Variants in LRRIQ1 observed in about 807,000 individuals in gnomAD.
The protein encoded by LRRIQ1 is leucine-rich repeat- and IQ domain-containing protein 1.
Under a neutral mutation model 211.9 loss-of-function variants are expected in LRRIQ1, and 210 were observed. The ratio of observed to expected loss-of-function variants is 0.99; its 90% CI spans 0.89 to 1.11. The LOEUF is 1.11. Ranked by LOEUF, LRRIQ1 falls within the 50% of genes most tolerant of loss-of-function variation. LRRIQ1 has a pLI of 0.00. For synonymous variants in LRRIQ1, 699 were observed against 650.1 expected, an observed-to-expected ratio of 1.08 and a Z score of -1.14; for missense variants, 2,136 against 1,939.5, an observed-to-expected ratio of 1.10 and a Z score of -1.90.
chr12:85,041,235 A>G (rs7136359), intron 3 of LRRIQ1, among the ~76,000 whole-genome samples: 5,471 of 151,902 alleles, frequency 0.036, 329 homozygotes, highest in African/African-American at 0.13. Context: ...TACAATGTAG[A>G]TATTCATATT....
intron 23 of LRRIQ1, 76 bp from the exon 24 acceptor site, chr12:85,160,537 A>G (rs911123175): frequency 2.4e-5 from 20 of 822,740 alleles, no homozygotes; most frequent in African/African-American, 3.4e-5. Context: ...CTACCACCAT[A>G]TAAGAAATAT....
chr12:85,237,257 A>G (rs542231594), intron 26 of LRRIQ1, among the ~76,000 whole-genome samples: 2 of 152,118 alleles, frequency 1.3e-5, no homozygotes, highest in Non-Finnish European at 2.9e-5. Context: ...GATCCCTGAG[A>G]TAAAAGAAAC....
intron 11 of LRRIQ1, among the ~76,000 whole-genome samples, chr12:85,078,181 T>C (rs1205798198): frequency 6.6e-6 from 1 of 152,174 alleles, no homozygotes; most frequent in African/African-American, 2.4e-5. Context: ...TTCAGCCCTC[T>C]CTGAAGCCTT....
intron 24 of LRRIQ1, among the ~76,000 whole-genome samples, chr12:85,207,221 A>G (rs369848490): frequency 6.6e-6 from 1 of 151,972 alleles, no homozygotes; most frequent in African/African-American, 2.4e-5. Flanking sequence ...CCAGCTTCCA[A>G]CCACTTCAGC....
intron 15 of LRRIQ1, among the ~76,000 whole-genome samples, chr12:85,118,519 T>A (rs1264090653): frequency 6.4e-4 from 94 of 146,472 alleles, no homozygotes; most frequent in African/African-American, 2.3e-3. Flanking sequence ...TTTTTTTGCT[T>A]TTATAGAGGA....
chr12:85,094,960 A>G (rs894551321), intron 11 of LRRIQ1, among the ~76,000 whole-genome samples: 2 of 152,132 alleles, frequency 1.3e-5, no homozygotes, highest in South Asian at 2.1e-4. Context: ...ATTTTTCTAC[A>G]TTGATTTTGT....
At chr12:85,116,243 T>C (rs903584030) in intron 15 of LRRIQ1, among the ~76,000 whole-genome samples, 14 of 152,102 alleles carry the variant, frequency 9.2e-5, no homozygotes, top group South Asian at 4.2e-4. Context: ...CCCGGGTTCA[T>C]GCCATTCTCC....
At chr12:85,186,622 G>A (rs1892240792) in intron 24 of LRRIQ1, among the ~76,000 whole-genome samples, 1 of 151,972 alleles carries the variant, frequency 6.6e-6, no homozygotes, top group African/African-American at 2.4e-5. Context: ...TACTTTAATG[G>A]TAGCATTTCA....
intron 15 of LRRIQ1, among the ~76,000 whole-genome samples, chr12:85,120,995 G>T (rs1887938392): frequency 6.6e-6 from 1 of 151,778 alleles, no homozygotes; most frequent in African/African-American, 2.4e-5. Context: ...TTGAGATGGA[G>T]CCTCGCTCTG....
At chr12:85,258,668 T>C (rs978863384) in intron 1 of LRRIQ1, among the ~76,000 whole-genome samples, 1 of 151,980 alleles carries the variant, frequency 6.6e-6, no homozygotes, top group Non-Finnish European at 1.5e-5. Flanking sequence ...CTTAAATTGA[T>C]GTAAACGCTT....
rs1418537857 is a variant in LRRIQ1, at chr12:85,144,657, A to G, written c.4329+6688A>G. ...GACTGATTAGTAAAGGAGAAAAAAT[A>G]GAGAAGAGAAGAAATACAAAAGTAG... On this transcript the variant is annotated intron_variant, in intron 19 of 26. Coordinates refer to ENST00000393217, the MANE Select transcript of LRRIQ1 (RefSeq NM_001079910.2). Among the ~76,000 whole-genome samples the G allele has an allele frequency of 2.6e-5, 4 of 151,648 alleles. No homozygotes were observed. The East Asian group carries it at 7.8e-4, about 30-fold the overall frequency.
the LRRIQ1 span, among the ~76,000 whole-genome samples, chr12:85,270,439 A>G: frequency 6.6e-6 from 1 of 152,058 alleles, no homozygotes; most frequent in South Asian, 2.1e-4. Context: ...ACTTACCTTA[A>G]TGCAGTACAC....
At chr12:85,072,853 T>TG in intron 10 of LRRIQ1, 54 bp from the exon 11 acceptor site, 1 of 1,321,730 alleles carries the variant, frequency 7.6e-7, no homozygotes, top group Non-Finnish European at 1.0e-6. Flanking sequence ...TATAACCACT[T>TG]GCATTTATTA....
intron 11 of LRRIQ1, among the ~76,000 whole-genome samples, chr12:85,096,761 G>A (rs996172575): frequency 8.5e-5 from 13 of 152,182 alleles, no homozygotes; most frequent in African/African-American, 2.7e-4. Context: ...TCCATGGGAA[G>A]TTGAAGTCCT....
chr12:85,105,796 A>ATTT (rs5799719), intron 14 of LRRIQ1, among the ~76,000 whole-genome samples: 2,890 of 127,652 alleles, frequency 0.023, 161 homozygotes, highest in African/African-American at 0.078. Context: ...CTTTCTTTCT[A>ATTT]TTTTTTTTTT....
intron 10 of LRRIQ1, among the ~76,000 whole-genome samples, chr12:85,069,010 T>C (rs1371089921): frequency 6.6e-6 from 1 of 151,820 alleles, no homozygotes; most frequent in Non-Finnish European, 1.5e-5. Flanking sequence ...TACATATGTA[T>C]ACATGTGCCA....
chr12:85,088,254 G>A (rs931446132), intron 11 of LRRIQ1, among the ~76,000 whole-genome samples: 4 of 152,124 alleles, frequency 2.6e-5, no homozygotes, highest in African/African-American at 9.7e-5. Flanking sequence ...TCAGATGGTT[G>A]TAGATGTGTG....
rs201973751 is a variant in LRRIQ1, at chr12:85,056,096, G to A, written c.1303G>A (p.Glu435Lys). The change falls in exon 8 of 27, where the codon GAA (glutamate) becomes AAA (lysine). Residue 435 changes from glutamate (E) to lysine (K), a missense_variant. Physicochemically the swap from Glu to Lys is moderately conservative, Grantham distance 56 (BLOSUM62 1). Coordinates refer to ENST00000393217, the MANE Select transcript of LRRIQ1 (RefSeq NM_001079910.2). ...NLVDENSKKQ[E>K]DVLLWLVEES... is the part of the protein sequence containing the mutation. The stretch of plus-strand genomic sequence containing the variant: ...AGTGGATGAAAATTCAAAGAAGCAG[G>A]AAGATGTTCTCCTTTGGCTAGTTGA... 154 of 1,600,408 alleles carry A rather than the reference G, an allele frequency of 9.6e-5. 2 individuals carry two copies. In the East Asian group the frequency reaches 2.0e-3, roughly 21 times the overall value.
chr12:85,179,085 C>T (rs1483305575), intron 24 of LRRIQ1, among the ~76,000 whole-genome samples: 2 of 151,844 alleles, frequency 1.3e-5, no homozygotes, highest in Non-Finnish European at 2.9e-5. Flanking sequence ...AACCGAATAT[C>T]TCCCTCTGTC....
Sources: allele counts gnomAD v4.1 joint callset (sites outside exome capture counted in the v4.1 genomes callset), GRCh38; gene constraint gnomAD v4.1.1; transcripts MANE v1.5; gene names NCBI Gene and HGNC (gene_info 2026-07-23, HGNC 2026-07-21).